The following CATSPERT variants were observed in gnomAD, a reference collection of about 807,000 sequenced individuals.
CATSPERT encodes cation channel sperm-associated targeting subunit tau.
At chr2:201,583,740 C>G in the CATSPERT span, among the ~76,000 whole-genome samples, 1 of 151,778 alleles carries the variant, frequency 6.6e-6, no homozygotes, top group African/African-American at 2.4e-5. Context: ...AGTTAACAGT[C>G]AAAAATAACT....
At chr2:201,542,481 C>T in the CATSPERT span, among the ~76,000 whole-genome samples, 1 of 152,166 alleles carries the variant, frequency 6.6e-6, no homozygotes, top group African/African-American at 2.4e-5. Flanking sequence ...ATTTTACATT[C>T]CCCCAACAGT....
the CATSPERT span, among the ~76,000 whole-genome samples, chr2:201,616,706 A>T: frequency 6.6e-6 from 1 of 152,232 alleles, no homozygotes; most frequent in African/African-American, 2.4e-5. Flanking sequence ...ATTTCTGGCC[A>T]GGGCAGTCAG....
At chr2:201,597,809 T>C in the CATSPERT span, among the ~76,000 whole-genome samples, 1 of 152,148 alleles carries the variant, frequency 6.6e-6, no homozygotes, top group Non-Finnish European at 1.5e-5. Context: ...CATTCTTCAG[T>C]CTGAGTTTTT....
At chr2:201,611,603 TAA>T in the CATSPERT span, among the ~76,000 whole-genome samples, 1 of 150,948 alleles carries the variant, frequency 6.6e-6, no homozygotes, top group African/African-American at 2.4e-5. Flanking sequence ...AAAAAAATAA[TAA>T]AGATTGGAGC....
chr2:201,575,186 A>AC, the CATSPERT span: 1 of 1,038,420 alleles, frequency 9.6e-7, no homozygotes, highest in Non-Finnish European at 1.4e-6. Context: ...GAATAAAAAC[A>AC]TGTAGGCTAC....
the CATSPERT span, chr2:201,575,232 G>A: frequency 3.4e-4 from 494 of 1,435,410 alleles, 2 homozygotes; most frequent in African/African-American, 6.4e-3. Context: ...GAAATGTTAA[G>A]AATATATTAC....
At chr2:201,574,372 A>G in the CATSPERT span, 1 of 1,033,352 alleles carries the variant, frequency 9.7e-7, no homozygotes, top group Non-Finnish European at 1.4e-6. Flanking sequence ...TCTGTAAGTT[A>G]GAAAAGCCAA....
chr2:201,532,818 G>A, the CATSPERT span, among the ~76,000 whole-genome samples: 19 of 152,256 alleles, frequency 1.2e-4, no homozygotes, highest in African/African-American at 4.3e-4. Flanking sequence ...ACTGAGAACT[G>A]ATAACCACAT....
chr2:201,528,148 G>A, the CATSPERT span, among the ~76,000 whole-genome samples: 92,985 of 151,288 alleles, frequency 0.61, 30,281 homozygotes, highest in East Asian at 0.95. Flanking sequence ...ACCAATAAAC[G>A]TATGAAAATA....
chr2:201,549,015 A>G, the CATSPERT span, among the ~76,000 whole-genome samples: 1 of 151,748 alleles, frequency 6.6e-6, no homozygotes, highest in Non-Finnish European at 1.5e-5. Context: ...ACACACACAC[A>G]CCCCCCAGCC....
the CATSPERT span, among the ~76,000 whole-genome samples, chr2:201,543,620 T>G: frequency 6.6e-5 from 10 of 152,210 alleles, no homozygotes; most frequent in Non-Finnish European, 1.2e-4. Context: ...TATTGTAAAC[T>G]GGAATTATTT....
chr2:201,553,828 T>G, the CATSPERT span: 1 of 152,224 alleles, frequency 6.6e-6, no homozygotes, highest in Non-Finnish European at 1.5e-5. Context: ...TAATAGGCAC[T>G]GTCTGCCTGC....
the CATSPERT span, chr2:201,604,819 T>G: frequency 1.9e-6 from 1 of 515,562 alleles, no homozygotes; most frequent in Non-Finnish European, 3.2e-6. Context: ...ATTGGGGTAT[T>G]AATATGATTA....
chr2:201,527,728 C>T, the CATSPERT span, among the ~76,000 whole-genome samples: 1 of 152,096 alleles, frequency 6.6e-6, no homozygotes, highest in Non-Finnish European at 1.5e-5. Context: ...AAAACAGACC[C>T]CTTCCTTTCA....
the CATSPERT span, among the ~76,000 whole-genome samples, chr2:201,579,955 G>A: frequency 1.3e-5 from 2 of 150,060 alleles, no homozygotes; most frequent in Non-Finnish European, 3.0e-5. Flanking sequence ...GGGCTCAATC[G>A]ACCCTTCTGC....
the CATSPERT span, among the ~76,000 whole-genome samples, chr2:201,551,408 A>C: frequency 3.9e-5 from 6 of 152,220 alleles, no homozygotes; most frequent in African/African-American, 1.4e-4. Flanking sequence ...CTACCATAAA[A>C]TATACACAGA....
the CATSPERT span, among the ~76,000 whole-genome samples, chr2:201,537,726 A>C: frequency 6.6e-6 from 1 of 151,944 alleles, no homozygotes; most frequent in African/African-American, 2.4e-5. Context: ...GGTACATGCT[A>C]TATTTTTTAA....
chr2:201,561,600 G>C, the CATSPERT span, among the ~76,000 whole-genome samples: 12 of 152,128 alleles, frequency 7.9e-5, no homozygotes, highest in Non-Finnish European at 1.6e-4. Context: ...GGCTGGGCTT[G>C]GTGGCTCACG....
the CATSPERT span, among the ~76,000 whole-genome samples, chr2:201,590,482 G>T: frequency 8.6e-5 from 13 of 151,774 alleles, no homozygotes; most frequent in Admixed American, 7.2e-4. Context: ...ATGATTTATA[G>T]TCCTTTGGGT....
Sources: gnomAD v4.1 joint callset for allele counts (sites outside exome capture counted in the v4.1 genomes callset) on GRCh38, gnomAD v4.1.1 for gene constraint, MANE v1.5 for transcripts, NCBI Gene and HGNC (gene_info 2026-07-23, HGNC 2026-07-21) for gene names.